The following DGKB variants were observed in gnomAD, a reference collection of about 807,000 sequenced individuals.
DGKB encodes the protein diacylglycerol kinase beta.
Under a neutral mutation model 114.3 loss-of-function variants are expected in DGKB, and 67 were observed. The ratio of observed to expected loss-of-function variants is 0.59; its 90% CI spans 0.48 to 0.72. The LOEUF (loss-of-function observed/expected upper bound fraction) is 0.72. DGKB is among the 30% of genes least tolerant of loss of function. The pLI is 0.00. For synonymous variants in DGKB, 398 were observed against 323.1 expected (o/e 1.23, Z -2.49); for missense variants, 907 against 975.2 (o/e 0.93, Z 0.93).
intron 2 of DGKB, among the ~76,000 whole-genome samples, chr7:14,782,189 C>G (rs940945867): frequency 6.6e-6 from 1 of 151,964 alleles, no homozygotes; most frequent in East Asian, 1.9e-4. Context: ...CAAACTCAGG[C>G]AATTTTTTGT....
At chr7:14,496,569 T>C (rs1333509053) in intron 20 of DGKB, among the ~76,000 whole-genome samples, 1 of 151,808 alleles carries the variant, frequency 6.6e-6, no homozygotes, top group Non-Finnish European at 1.5e-5. Context: ...CCAAACACTG[T>C]GCTAGGTTCT....
At chr7:14,970,192 A>G (rs537413115) in intron 1 of DGKB, among the ~76,000 whole-genome samples, 21 of 152,274 alleles carry the variant, frequency 1.4e-4, no homozygotes, top group Admixed American at 9.2e-4. Context: ...TTTTGTAGAG[A>G]TTGGCTGCTA....
chr7:14,281,774 C>A (rs959772668), intron 23 of DGKB, among the ~76,000 whole-genome samples: 1 of 151,922 alleles, frequency 6.6e-6, no homozygotes, highest in Non-Finnish European at 1.5e-5. Context: ...GGGTACATAA[C>A]GAAATGAAGG....
Position 14,570,670 on chromosome 7 carries a change from T to C in DGKB, c.1770+3542A>G, listed in dbSNP as rs182629614. Among the ~76,000 whole-genome samples, 39 of 152,222 alleles carry C rather than the reference T, an allele frequency of 2.6e-4. No individual in the cohort carries two copies. The East Asian group carries it at 7.2e-3, about 28-fold the overall frequency. On this transcript the variant is annotated intron_variant, in intron 20 of 25. Coordinates refer to ENST00000402815, the MANE Select transcript of DGKB (RefSeq NM_001350709.2). Reference sequence around the variant, plus strand: ...ATACTATTCATTAACTGGAAGTTGATCATCATAAAGGTCTTTATCTTCATC... The same window carrying C: ...ATACTATTCATTAACTGGAAGTTGACCATCATAAAGGTCTTTATCTTCATC...
At chr7:14,604,654 C>T (rs1296432381) in intron 17 of DGKB, among the ~76,000 whole-genome samples, 1 of 152,160 alleles carries the variant, frequency 6.6e-6, no homozygotes, top group East Asian at 1.9e-4. Flanking sequence ...TGAAACAGAG[C>T]AACTTCTAAC....
At chr7:14,156,768 T>C (rs534279512) in intron 25 of DGKB, among the ~76,000 whole-genome samples, 35 of 152,218 alleles carry the variant, frequency 2.3e-4, no homozygotes, top group South Asian at 6.2e-4. Flanking sequence ...GGCTAAAAGA[T>C]GGATAAAAGT....
At chr7:14,154,134 A>C (rs1782619544) in intron 25 of DGKB, among the ~76,000 whole-genome samples, 1 of 151,812 alleles carries the variant, frequency 6.6e-6, no homozygotes, top group Admixed American at 6.6e-5. Flanking sequence ...ATATAAACAA[A>C]AGGAGTGTGG....
chr7:14,779,361 C>A (rs1838725405), intron 2 of DGKB, among the ~76,000 whole-genome samples: 2 of 151,736 alleles, frequency 1.3e-5, no homozygotes, highest in Admixed American at 1.3e-4. Flanking sequence ...CATGGTGAAA[C>A]CTGGTCTCTA....
intron 2 of DGKB, among the ~76,000 whole-genome samples, 155 bp from the exon 3 acceptor site, chr7:14,757,886 G>T (rs1450177069): frequency 6.6e-6 from 1 of 151,966 alleles, no homozygotes; most frequent in Non-Finnish European, 1.5e-5. Flanking sequence ...ATTTTTGAAA[G>T]GCTATTTAAT....
Position 14,825,155 on chromosome 7 carries a change from T to C in DGKB, c.70+16039A>G, listed in dbSNP as rs775656948. ...GTGGTGTGAAATGTCTGGCATGCAATTGGCTTGAATTGAGGAGCTGCCCTT... is the reference window on the plus strand; with the variant it reads ...GTGGTGTGAAATGTCTGGCATGCAACTGGCTTGAATTGAGGAGCTGCCCTT... On this transcript the variant is annotated intron_variant, in intron 2 of 25. Coordinates refer to ENST00000402815, the MANE Select transcript of DGKB (RefSeq NM_001350709.2). 3.3e-5 allele frequency among the ~76,000 whole-genome samples: 5 copies of C among 150,836 alleles called. No homozygotes were observed. The East Asian group carries it at 5.9e-4, about 18-fold the overall frequency.
chr7:14,433,744 A>C (rs558649038), intron 21 of DGKB, among the ~76,000 whole-genome samples: 9 of 152,140 alleles, frequency 5.9e-5, no homozygotes, highest in Non-Finnish European at 1.2e-4. Flanking sequence ...TTCCTTATCT[A>C]AAACGTTTGG....
intron 1 of DGKB, among the ~76,000 whole-genome samples, chr7:14,896,753 A>G (rs1331959608): frequency 1.3e-5 from 2 of 151,848 alleles, no homozygotes; most frequent in African/African-American, 4.8e-5. Context: ...TCATCCAAAT[A>G]GTAAGGATTT....
At chr7:14,334,926 G>C (rs1810402117) in intron 23 of DGKB, among the ~76,000 whole-genome samples, 1 of 152,082 alleles carries the variant, frequency 6.6e-6, no homozygotes. Context: ...ACATTTATTT[G>C]TATTTATAAA....
Position 14,338,822 on chromosome 7 carries a change from TCATTTCCAAA to T in DGKB, c.1927-122_1927-113del, listed in dbSNP as rs1347593155. The T allele has an allele frequency of 1.1e-4, 69 of 650,082 alleles. No individual in the cohort carries two copies. The East Asian group carries it at 1.5e-3, about 14-fold the overall frequency. The allele number at this position is 650,082 out of a possible 1,614,324, so 40.3% of individuals were successfully genotyped here. On this transcript the variant is annotated intron_variant, in intron 22 of 25. Transcript: ENST00000402815. ...AAGTGCGTTGAAATCCATAATGTTG[TCATTTCCAAA>T]CAAGCCTTTCAAGAACACTTAAACA...
At chr7:14,715,514 C>G (rs2128342504) in intron 6 of DGKB, among the ~76,000 whole-genome samples, 1 of 152,260 alleles carries the variant, frequency 6.6e-6, no homozygotes, top group Non-Finnish European at 1.5e-5. Context: ...GAATTCCCCA[C>G]AACCCCAACA....
chr7:14,824,169 G>C (rs1446427280), intron 2 of DGKB, among the ~76,000 whole-genome samples: 1 of 151,980 alleles, frequency 6.6e-6, no homozygotes, highest in Non-Finnish European at 1.5e-5. Context: ...CTCACACCAG[G>C]TCCCTCCCAG....
rs1378095723 is a variant in DGKB at position 14,705,839 on chromosome 7, C to T, written c.467-4109G>A. On this transcript the variant is annotated intron_variant, in intron 6 of 25. Coordinates refer to ENST00000402815, the MANE Select transcript of DGKB (RefSeq NM_001350709.2). ...AGCGCTAAATATGGAAAGGAACAAC[C>T]AGTACCAGCCACTGCAAAATCATGC... Among the ~76,000 whole-genome samples the T allele has an allele frequency of 2.0e-5, 3 of 152,044 alleles. No homozygotes were observed. The East Asian group carries it at 5.8e-4, about 29-fold the overall frequency.
chr7:14,664,718 G>C (rs1817717580), intron 13 of DGKB, among the ~76,000 whole-genome samples: 5 of 151,880 alleles, frequency 3.3e-5, no homozygotes. Flanking sequence ...CCTTGGGATG[G>C]ATTAAGATTC....
intron 6 of DGKB, among the ~76,000 whole-genome samples, chr7:14,702,935 G>C (rs1298492063): frequency 2.0e-5 from 3 of 152,104 alleles, no homozygotes; most frequent in African/African-American, 4.8e-5. Context: ...AAATGTTAAA[G>C]ATGTTAAAGT....
Sources: allele counts gnomAD v4.1 joint callset (sites outside exome capture counted in the v4.1 genomes callset), GRCh38; gene constraint gnomAD v4.1.1; transcripts MANE v1.5; gene names NCBI Gene and HGNC (gene_info 2026-07-23, HGNC 2026-07-21).